The following TCERG1L variants were observed in gnomAD, a reference collection of about 807,000 sequenced individuals.
The protein encoded by TCERG1L is transcription elongation regulator 1-like protein.
A neutral mutation model predicts 56.3 loss-of-function variants in TCERG1L; 37 were observed. That is an observed-to-expected ratio of 0.66 (90% CI 0.51 to 0.87). The LOEUF (loss-of-function observed/expected upper bound fraction) is 0.87, where lower values mean the gene tolerates loss of function less well. Among genes scored for constraint, TCERG1L ranks in the 40% least tolerant of loss-of-function variants. The probability of loss-of-function intolerance (pLI) is 0.00; values close to 1 mark genes in which losing one functional copy is unlikely to be tolerated. For missense variants in TCERG1L, 799 were observed against 774.2 expected (o/e 1.03, Z -0.38); for synonymous variants, 324 against 326.3 (o/e 0.99, Z 0.08).
chr10:131,257,865 A>G (rs2918091), intron 4 of TCERG1L, among the ~76,000 whole-genome samples: 31,337 of 152,222 alleles, frequency 0.21, 4,078 homozygotes, highest in African/African-American at 0.38. Flanking sequence ...CAAAGTCCAG[A>G]ATGTAAGTAA....
Position 131,308,288 on chromosome 10 carries a change from A to G in TCERG1L, c.593T>C (p.Val198Ala). 1 of 1,614,036 alleles carries G rather than the reference A, an allele frequency of 6.2e-7. No individual in the cohort carries two copies. The highest frequency in any genetic ancestry group is 8.5e-7 in the Non-Finnish European group (1 of 1,179,908). Residue 198 changes from valine (V) to alanine (A), a missense_variant, in exon 3 of 12, where the codon GTA becomes GCA. Val to Ala is a moderately conservative substitution (Grantham distance 64). Transcript: ENST00000368642. The part of the protein sequence containing the change: ...HEKPRLLANQ[V>A]AVSLSRPAPA... ...AGCCGGCCTGGACAGAGACACAGCT[A>G]CTTGATTTGCCAGCAAACGAGGCTT...
At chr10:131,272,038 C>T (rs1009207522) in intron 3 of TCERG1L, among the ~76,000 whole-genome samples, 1 of 152,200 alleles carries the variant, frequency 6.6e-6, no homozygotes, top group Admixed American at 6.5e-5. Flanking sequence ...GCAAGCTTCA[C>T]AGGGAGATAA....
intron 4 of TCERG1L, among the ~76,000 whole-genome samples, chr10:131,188,140 G>T (rs1589741733): frequency 6.6e-6 from 1 of 152,244 alleles, no homozygotes; most frequent in Admixed American, 6.5e-5. Context: ...AGAAGATGGA[G>T]GGCTTGGCTG....
chr10:131,245,246 A>G (rs2133525666), intron 4 of TCERG1L, among the ~76,000 whole-genome samples: 1 of 152,312 alleles, frequency 6.6e-6, no homozygotes, highest in African/African-American at 2.4e-5. Context: ...CTAATTAAAG[A>G]GTGAGATGAA....
At chr10:131,236,714 G>A (rs529571178) in intron 4 of TCERG1L, among the ~76,000 whole-genome samples, 3 of 152,284 alleles carry the variant, frequency 2.0e-5, no homozygotes, top group South Asian at 4.2e-4. Context: ...GCTGAAGAGA[G>A]GTAATTGTCT....
chr10:131,220,479 T>C (rs920348279), intron 4 of TCERG1L, among the ~76,000 whole-genome samples: 4 of 152,224 alleles, frequency 2.6e-5, no homozygotes, highest in African/African-American at 4.8e-5. Context: ...CAGGGCTCCG[T>C]TCCTGCATTC....
intron 7 of TCERG1L, among the ~76,000 whole-genome samples, chr10:131,145,200 T>G (rs927201507): frequency 6.6e-6 from 1 of 152,246 alleles, no homozygotes; most frequent in Non-Finnish European, 1.5e-5. Flanking sequence ...CCGTGGGATC[T>G]GAGGGTGTCC....
At chr10:131,243,108 C>T (rs1329754839) in intron 4 of TCERG1L, among the ~76,000 whole-genome samples, 1 of 151,928 alleles carries the variant, frequency 6.6e-6, no homozygotes, top group African/African-American at 2.4e-5. Context: ...TAGAAAATAC[C>T]ATTGTGTGGG....
At position 131,267,843 on chromosome 10, in the gene TCERG1L, G is replaced by A. The variant is rs1177352886; in HGVS notation, c.671-7399C>T. 6.6e-6 allele frequency among the ~76,000 whole-genome samples: 1 copy of A among 152,180 alleles called. No homozygotes were observed. Among genetic ancestry groups the A allele is most frequent in the Admixed American group, 6.5e-5 (1 of 15,282 alleles). On this transcript the variant is annotated intron_variant, in intron 3 of 11. Transcript: ENST00000368642. The surrounding 1 kb of genome is among the most constrained non-coding windows in gnomAD (Gnocchi z 4.9). ...TGCAGACTTCGGTGGGGGCTCCAGG[G>A]CCTTGCCAGGCCCGTGCCAGAGTCG...
chr10:131,139,805 C>T (rs937678597), intron 7 of TCERG1L, among the ~76,000 whole-genome samples: 2 of 147,174 alleles, frequency 1.4e-5, no homozygotes, highest in Non-Finnish European at 3.0e-5. Context: ...TGTCTGTGTG[C>T]GTATATGTGT....
intron 4 of TCERG1L, among the ~76,000 whole-genome samples, chr10:131,219,376 C>T (rs1845705725): frequency 6.6e-6 from 1 of 152,226 alleles, no homozygotes; most frequent in South Asian, 2.1e-4. Context: ...GGCTGGCCGA[C>T]CCCAGGACCG....
chr10:131,220,485 C>A (rs1178517498), intron 4 of TCERG1L, among the ~76,000 whole-genome samples: 3 of 152,228 alleles, frequency 2.0e-5, no homozygotes, highest in African/African-American at 7.2e-5. Flanking sequence ...TCCGTTCCTG[C>A]ATTCTTTGGC....
intron 6 of TCERG1L, among the ~76,000 whole-genome samples, chr10:131,151,066 CACG>C (rs1845860671): frequency 6.6e-6 from 1 of 152,214 alleles, no homozygotes; most frequent in Admixed American, 6.5e-5. Flanking sequence ...ACCCTTGACA[CACG>C]GGGATTACCA....
chr10:131,201,789 T>C lies in TCERG1L; in HGVS notation c.857-34904A>G, dbSNP rs149184151. Among the ~76,000 whole-genome samples, 43 of 152,288 alleles carry C rather than the reference T, an allele frequency of 2.8e-4. No homozygotes were observed. In the Middle Eastern group the frequency reaches 0.014, roughly 49 times the overall value. ...TGCGGGACTGTAATGACCTTCTAAA[T>C]GCTCAGCTGTGAGTGAGTTTTTCAG... On this transcript the variant is annotated intron_variant, in intron 4 of 11. Transcript: ENST00000368642.
intron 6 of TCERG1L, chr10:131,156,338 TA>T (rs1209784915): frequency 6.6e-6 from 1 of 151,932 alleles, no homozygotes; most frequent in Admixed American, 6.6e-5. Context: ...TCACGCCCAA[TA>T]AATAATTATG....
intron 4 of TCERG1L, among the ~76,000 whole-genome samples, chr10:131,254,443 G>A (rs368157762): frequency 1.4e-4 from 21 of 152,156 alleles, no homozygotes; most frequent in African/African-American, 3.4e-4. Context: ...CGCAGCCTCC[G>A]GGGTAACTGG....
chr10:131,156,068 A>G (rs1318464045), intron 6 of TCERG1L: 1 of 152,228 alleles, frequency 6.6e-6, no homozygotes, highest in African/African-American at 2.4e-5. Flanking sequence ...TGCAACTGCA[A>G]GTCAGAGGAC....
intron 4 of TCERG1L, among the ~76,000 whole-genome samples, chr10:131,202,737 G>A (rs1845455647): frequency 6.6e-6 from 1 of 152,132 alleles, no homozygotes; most frequent in African/African-American, 2.4e-5. Flanking sequence ...GAATACACTG[G>A]AAATATTCTG....
chr10:131,134,564 C>A lies in TCERG1L; in HGVS notation c.1190-116G>T, dbSNP rs988286034. ...ATCTAGAAATTAAGACAACAGGCTT[C>A]TCTTAAAGATTGATGTGAAATCCTA... On this transcript the variant is annotated intron_variant, in intron 7 of 11. Coordinates refer to ENST00000368642, the MANE Select transcript of TCERG1L (RefSeq NM_174937.4). 4.4e-5 allele frequency: 33 copies of A among 755,018 alleles called. No homozygotes were observed. In the Admixed American group the frequency reaches 8.0e-4, roughly 18 times the overall value. The allele number at this position is 755,018 out of a possible 1,614,324, so 46.8% of individuals were successfully genotyped here.
Sources: allele counts gnomAD v4.1 joint callset (sites outside exome capture counted in the v4.1 genomes callset), GRCh38; gene constraint gnomAD v4.1.1; non-coding constraint Gnocchi (gnomAD v3.1); transcripts MANE v1.5; gene names NCBI Gene and HGNC (gene_info 2026-07-23, HGNC 2026-07-21).